GRID1: variants seen among roughly 807,000 people sequenced by gnomAD.
GRID1 encodes the protein glutamate ionotropic receptor delta type subunit 1, also known as glutamate receptor ionotropic, delta-1.
GRID1 carries 28 observed loss-of-function variants against 98.0 expected under a neutral mutation model. That is an observed-to-expected ratio of 0.29 (90% CI 0.21 to 0.39). The LOEUF (loss-of-function observed/expected upper bound fraction) is 0.39. Among genes scored for constraint, GRID1 ranks in the 10% least tolerant of loss-of-function variants. The pLI is 1.00. For missense variants in GRID1, 1,111 were observed against 1,340.5 expected (o/e 0.83, Z 2.67); for synonymous variants, 553 against 538.5 (o/e 1.03, Z -0.37).
At chr10:86,215,184 A>T (rs1846157110) in intron 2 of GRID1, among the ~76,000 whole-genome samples, 1 of 152,154 alleles carries the variant, frequency 6.6e-6, no homozygotes, top group Non-Finnish European at 1.5e-5. Flanking sequence ...CCAGGCTGGG[A>T]GCCCCAGCCT....
At chr10:85,817,822 C>T (rs1842729231) in intron 8 of GRID1, among the ~76,000 whole-genome samples, 1 of 151,672 alleles carries the variant, frequency 6.6e-6, no homozygotes, top group South Asian at 2.1e-4. Context: ...ACCCAGGAGG[C>T]AGAGGTTGCA....
At chr10:86,352,279 C>T (rs542743122) in intron 2 of GRID1, among the ~76,000 whole-genome samples, 140 of 152,298 alleles carry the variant, frequency 9.2e-4, no homozygotes, top group African/African-American at 3.2e-3. Context: ...GGCTGGTCCA[C>T]GCTCCCTCAG....
At chr10:86,351,611 C>T (rs1191141979) in intron 2 of GRID1, among the ~76,000 whole-genome samples, 1 of 152,208 alleles carries the variant, frequency 6.6e-6, no homozygotes, top group Non-Finnish European at 1.5e-5. Flanking sequence ...TGAGCATTGG[C>T]AGGGGTGTCT....
rs185407006 is a variant in GRID1 at position 86,276,203 on chromosome 10, G to C, written c.236-69555C>G. On this transcript the variant is annotated intron_variant, in intron 2 of 15. Coordinates refer to ENST00000327946, the MANE Select transcript of GRID1 (RefSeq NM_017551.3). The stretch of plus-strand genomic sequence containing the variant: ...AAGGCTGGTTCCTTGTAAGGACTTT[G>C]AGAGAAGGATTTGTTACAAGCCTAT... Among the ~76,000 whole-genome samples the C allele has an allele frequency of 1.8e-4, 27 of 152,264 alleles. No individual in the cohort carries two copies. In the East Asian group the frequency reaches 5.2e-3, roughly 29 times the overall value.
At chr10:86,236,682 C>T (rs368274864) in intron 2 of GRID1, among the ~76,000 whole-genome samples, 32 of 152,180 alleles carry the variant, frequency 2.1e-4, no homozygotes, top group East Asian at 9.6e-4. Flanking sequence ...GGACCCATTA[C>T]GGGAGCACTG....
intron 8 of GRID1, among the ~76,000 whole-genome samples, chr10:85,816,185 A>G (rs1391093037): frequency 6.6e-6 from 1 of 152,188 alleles, no homozygotes; most frequent in African/African-American, 2.4e-5. Context: ...GTATACATCC[A>G]AATGAATTAA....
At chr10:85,846,822 T>C (rs1465526413) in intron 8 of GRID1, among the ~76,000 whole-genome samples, 1 of 152,174 alleles carries the variant, frequency 6.6e-6, no homozygotes, top group Non-Finnish European at 1.5e-5. Flanking sequence ...TGAAGCAGAT[T>C]GCTAAAAATG....
At chr10:85,746,892 A>C (rs1017390719) in intron 8 of GRID1, among the ~76,000 whole-genome samples, 1 of 152,200 alleles carries the variant, frequency 6.6e-6, no homozygotes, top group Non-Finnish European at 1.5e-5. Context: ...TAATGCATCA[A>C]TAATAACAGT....
intron 8 of GRID1, among the ~76,000 whole-genome samples, chr10:85,755,865 G>A (rs909316181): frequency 6.6e-6 from 1 of 152,074 alleles, no homozygotes; most frequent in South Asian, 2.1e-4. Flanking sequence ...CCTAAAACAA[G>A]GAGGTGGGAC....
At chr10:85,736,081 AGAAG>A (rs148952483) in intron 8 of GRID1, among the ~76,000 whole-genome samples, 44,577 of 113,622 alleles carry the variant, frequency 0.39, 8,625 homozygotes, top group African/African-American at 0.52. Context: ...AAGGAAGGAG[AGAAG>A]GAAGGAAGGA....
rs533945463 is a variant in GRID1, at chr10:86,257,536, T to C, written c.236-50888A>G. Among the ~76,000 whole-genome samples, 36 of 152,282 alleles carry C rather than the reference T, an allele frequency of 2.4e-4. 1 individual carries two copies. The South Asian group carries it at 4.2e-3, about 18-fold the overall frequency. On this transcript the variant is annotated intron_variant, in intron 2 of 15. Coordinates refer to ENST00000327946, the MANE Select transcript of GRID1 (RefSeq NM_017551.3). ...TGGATGCAACTACCTTTAAGCTTAA[T>C]ATAAGCCAACAGACTGATGTGGCCA...
intron 11 of GRID1, among the ~76,000 whole-genome samples, 161 bp downstream of exon 11, chr10:85,724,191 A>T (rs912798204): frequency 1.1e-4 from 17 of 152,212 alleles, no homozygotes; most frequent in Admixed American, 3.3e-4. Context: ...CTCTGATATT[A>T]TTCAGAGAAA....
Position 86,138,811 on chromosome 10 carries a change from T to A in GRID1, c.726+8A>T. On this transcript the variant is annotated splice_region_variant and intron_variant, in intron 4 of 15. Coordinates refer to ENST00000327946, the MANE Select transcript of GRID1 (RefSeq NM_017551.3). Reference sequence around the variant, plus strand: ...AGGCCCCTGAGGCCTCAGGCCCCCATGACCTACCTCGTTGATGAAGGAGTG... The same window carrying A: ...AGGCCCCTGAGGCCTCAGGCCCCCAAGACCTACCTCGTTGATGAAGGAGTG... 6.2e-7 allele frequency: 1 copy of A among 1,611,710 alleles called. No individual in the cohort carries two copies. Among genetic ancestry groups the A allele is most frequent in the South Asian group, 1.1e-5 (1 of 91,036 alleles).
chr10:85,613,385 G>A (rs777316358), intron 15 of GRID1, 22 bp downstream of exon 15: 2 of 1,601,748 alleles, frequency 1.2e-6, no homozygotes, highest in Non-Finnish European at 1.7e-6. Context: ...GTGAAAGGGA[G>A]GGCAGGCCCC....
At chr10:85,842,368 T>C (rs1208845708) in intron 8 of GRID1, among the ~76,000 whole-genome samples, 1 of 152,040 alleles carries the variant, frequency 6.6e-6, no homozygotes, top group Non-Finnish European at 1.5e-5. Context: ...TAATGGGTAC[T>C]AGGCTTAATA....
At chr10:86,005,765 G>A (rs1383817893) in intron 4 of GRID1, among the ~76,000 whole-genome samples, 4 of 152,212 alleles carry the variant, frequency 2.6e-5, no homozygotes, top group Non-Finnish European at 4.4e-5. Context: ...ATAGCTCACA[G>A]TATGATATGG....
intron 5 of GRID1, among the ~76,000 whole-genome samples, chr10:85,872,865 C>T (rs1251401890): frequency 6.6e-6 from 1 of 152,214 alleles, no homozygotes; most frequent in East Asian, 1.9e-4. Flanking sequence ...TGCCAATGTA[C>T]TCCTACCCAC....
At chr10:85,706,634 A>G (rs1841522454) in intron 12 of GRID1, among the ~76,000 whole-genome samples, 1 of 152,216 alleles carries the variant, frequency 6.6e-6, no homozygotes, top group Non-Finnish European at 1.5e-5. Context: ...ATGGAACCAA[A>G]AAAGAGCCCG....
At chr10:86,091,094 A>G (rs1050628397) in intron 4 of GRID1, among the ~76,000 whole-genome samples, 3 of 152,180 alleles carry the variant, frequency 2.0e-5, no homozygotes, top group African/African-American at 7.2e-5. Context: ...GGAATTCTCT[A>G]GCTGAACTTT....
Sources: gnomAD v4.1 joint callset for allele counts (sites outside exome capture counted in the v4.1 genomes callset) on GRCh38, gnomAD v4.1.1 for gene constraint, MANE v1.5 for transcripts, NCBI Gene and HGNC (gene_info 2026-07-23, HGNC 2026-07-21) for gene names.